Variants in FBXO15 observed in about 807,000 individuals in gnomAD.
FBXO15 encodes the protein F-box protein 15.
A neutral mutation model predicts 49.5 loss-of-function variants in FBXO15; 30 were observed. The ratio of observed to expected loss-of-function variants is 0.61; its 90% CI spans 0.45 to 0.82. FBXO15 has a LOEUF of 0.82. FBXO15 is among the 40% of genes least tolerant of loss of function. The pLI is 0.00. For missense variants in FBXO15, 591 were observed against 631.5 expected (o/e 0.94, Z 0.69); for synonymous variants, 250 against 232.7 (o/e 1.07, Z -0.68).
chr18:74,145,184 T>C (rs1233637477), intron 1 of FBXO15, among the ~76,000 whole-genome samples: 4 of 152,252 alleles, frequency 2.6e-5, no homozygotes, highest in East Asian at 3.8e-4. Context: ...CTTAGTTAGT[T>C]CAATTCTACA....
chr18:74,101,744 C>G (rs970293590), intron 8 of FBXO15, among the ~76,000 whole-genome samples: 1 of 152,152 alleles, frequency 6.6e-6, no homozygotes. Context: ...ACCAAAACAG[C>G]ATGGTACTGG....
intron 1 of FBXO15, among the ~76,000 whole-genome samples, chr18:74,140,937 C>T (rs1465337217): frequency 6.6e-6 from 1 of 152,148 alleles, no homozygotes; most frequent in African/African-American, 2.4e-5. Flanking sequence ...ACACAATCTA[C>T]AACTTTTCTG....
At chr18:74,101,719 T>C (rs916221629) in intron 8 of FBXO15, among the ~76,000 whole-genome samples, 4 of 151,434 alleles carry the variant, frequency 2.6e-5, no homozygotes, top group African/African-American at 9.7e-5. Context: ...CAAACTATAC[T>C]ATAAGGCCAC....
chr18:74,134,980 G>C (rs1391793957), intron 3 of FBXO15, among the ~76,000 whole-genome samples: 1 of 152,166 alleles, frequency 6.6e-6, no homozygotes, highest in East Asian at 1.9e-4. Context: ...ATGTTTGTCT[G>C]ATCTTTTGAT....
At chr18:74,101,621 A>G (rs1248280739) in intron 8 of FBXO15, among the ~76,000 whole-genome samples, 1 of 152,148 alleles carries the variant, frequency 6.6e-6, no homozygotes, top group Non-Finnish European at 1.5e-5. Context: ...CAATCCCAAA[A>G]TTCATATGGA....
At chr18:74,112,580 T>C (rs867782353) in intron 8 of FBXO15, among the ~76,000 whole-genome samples, 1 of 152,182 alleles carries the variant, frequency 6.6e-6, no homozygotes, top group African/African-American at 2.4e-5. Context: ...AACTCGAAAC[T>C]TTCTCATTAA....
At chr18:74,103,661 A>G (rs1029808723) in intron 8 of FBXO15, among the ~76,000 whole-genome samples, 1 of 152,184 alleles carries the variant, frequency 6.6e-6, no homozygotes, top group African/African-American at 2.4e-5. Context: ...GCACAAATTC[A>G]TCTGGCAATA....
intron 5 of FBXO15, among the ~76,000 whole-genome samples, chr18:74,127,401 G>T (rs1978292508): frequency 1.3e-5 from 2 of 152,238 alleles, no homozygotes; most frequent in Admixed American, 1.3e-4. Flanking sequence ...AGAGCAGAAA[G>T]TGCTGGCAAG....
At chr18:74,143,239 T>C (rs1449120110) in intron 1 of FBXO15, among the ~76,000 whole-genome samples, 1 of 152,210 alleles carries the variant, frequency 6.6e-6, no homozygotes, top group Non-Finnish European at 1.5e-5. Context: ...GTAACAGCTT[T>C]TTGTCATTGT....
rs151248833 is a variant in FBXO15 at position 74,090,464 on chromosome 18, C to G, written c.1139-8413G>C. ...CTGCTAACTTTGGGGTTGATTTGCT[C>G]TTGGTTTTCTAGTTCCTCCAGTTGT... On this transcript the variant is annotated intron_variant, in intron 8 of 9. Transcript: ENST00000419743. Among the ~76,000 whole-genome samples, 90 of 152,164 alleles carry G rather than the reference C, an allele frequency of 5.9e-4. 1 individual carries two copies. The highest frequency in any genetic ancestry group is 2.1e-3 in the African/African-American group (89 of 41,528).
intron 8 of FBXO15, among the ~76,000 whole-genome samples, chr18:74,091,262 T>A (rs1440395002): frequency 1.3e-5 from 2 of 152,166 alleles, no homozygotes; most frequent in African/African-American, 2.4e-5. Context: ...TTTCTCATTC[T>A]ACATCCCTTG....
chr18:74,123,869 A>G (rs1409980334), intron 7 of FBXO15, among the ~76,000 whole-genome samples: 1 of 152,156 alleles, frequency 6.6e-6, no homozygotes, highest in Admixed American at 6.5e-5. Context: ...AAGGCACTGA[A>G]TACCGATCTG....
chr18:74,091,739 C>T (rs933481713), intron 8 of FBXO15, among the ~76,000 whole-genome samples: 3 of 152,186 alleles, frequency 2.0e-5, no homozygotes, highest in African/African-American at 7.2e-5. Context: ...AGGGTTTCTG[C>T]TAAAAGGTCC....
chr18:74,113,362 T>C (rs1599162730), intron 8 of FBXO15, among the ~76,000 whole-genome samples: 1 of 152,306 alleles, frequency 6.6e-6, no homozygotes, highest in African/African-American at 2.4e-5. Flanking sequence ...TATACTACTG[T>C]AATAGTGAAT....
intron 8 of FBXO15, among the ~76,000 whole-genome samples, chr18:74,106,389 AT>A (rs1913767996): frequency 1.3e-5 from 2 of 152,216 alleles, no homozygotes; most frequent in Non-Finnish European, 1.5e-5. Flanking sequence ...TTTTCAACAA[AT>A]GTAATGCATA....
At position 74,147,660 on chromosome 18, in the gene FBXO15, C is replaced by A; in HGVS notation, c.116+10G>T. On this transcript the variant is annotated intron_variant, in intron 1 of 9. Coordinates refer to ENST00000419743, the MANE Select transcript of FBXO15 (RefSeq NM_001142958.2). ...CGCCAGGGGACCCCACCCGCAGGCC[C>A]TACAGTCACCTGCACCCAAAGGCCC... 1 of 1,445,486 alleles carries A rather than the reference C, an allele frequency of 6.9e-7. No homozygotes were observed. The highest frequency in any genetic ancestry group is 2.7e-5 in the East Asian group (1 of 36,700). The allele number at this position is 1,445,486 out of a possible 1,614,324, so 89.5% of individuals were successfully genotyped here.
intron 8 of FBXO15, among the ~76,000 whole-genome samples, chr18:74,106,678 C>A (rs912983823): frequency 6.6e-6 from 1 of 152,116 alleles, no homozygotes; most frequent in Non-Finnish European, 1.5e-5. Context: ...GCTATAAAAA[C>A]CATAAACCTC....
At chr18:74,116,346 T>C (rs942288007) in intron 8 of FBXO15, among the ~76,000 whole-genome samples, 5 of 152,264 alleles carry the variant, frequency 3.3e-5, no homozygotes, top group Non-Finnish European at 7.3e-5. Context: ...CATATGCATA[T>C]GTGCATTTCC....
At chr18:74,079,248 G>C (rs1310035623) in intron 9 of FBXO15, among the ~76,000 whole-genome samples, 1 of 152,200 alleles carries the variant, frequency 6.6e-6, no homozygotes. Context: ...GGAGGAGACA[G>C]AGCAGGAGAG....
Sources: allele counts gnomAD v4.1 joint callset (sites outside exome capture counted in the v4.1 genomes callset), GRCh38; gene constraint gnomAD v4.1.1; transcripts MANE v1.5; gene names NCBI Gene and HGNC (gene_info 2026-07-23, HGNC 2026-07-21).